The following LMNA variants were observed in gnomAD, a reference collection of about 807,000 sequenced individuals.
LMNA encodes lamin.
A neutral mutation model predicts 70.4 loss-of-function variants in LMNA; 20 were observed. That is an observed-to-expected ratio of 0.28 (90% CI 0.20 to 0.41). The LOEUF is 0.41. Among genes scored for constraint, LMNA ranks in the 10% least tolerant of loss-of-function variants. LMNA has a pLI of 1.00. For synonymous variants in LMNA, 339 were observed against 372.8 expected (o/e 0.91, Z 1.04); for missense variants, 652 against 917.2 (o/e 0.71, Z 3.73).
At chr1:156,095,155 C>T (rs1369780604) in intron 3 of LMNA, among the ~76,000 whole-genome samples, 1 of 152,070 alleles carries the variant, frequency 6.6e-6, no homozygotes, top group African/African-American at 2.4e-5. Flanking sequence ...TCTTGAACTC[C>T]TGACCTCAGG....
intron 2 of LMNA, among the ~76,000 whole-genome samples, chr1:156,085,844 C>G (rs1648453979): frequency 6.6e-6 from 1 of 152,134 alleles, no homozygotes; most frequent in Non-Finnish European, 1.5e-5. Context: ...TCACTTGAGG[C>G]CACGAGTTCC....
At chr1:156,086,097 A>C (rs1167466804) in intron 2 of LMNA, among the ~76,000 whole-genome samples, 1 of 152,220 alleles carries the variant, frequency 6.6e-6, no homozygotes, top group Non-Finnish European at 1.5e-5. Flanking sequence ...GTGCCTGGCT[A>C]TCTTAGGTGT....
chr1:156,134,265 A>C lies in LMNA; in HGVS notation c.514-138A>C. 1.2e-6 allele frequency: 1 copy of C among 862,262 alleles called. No individual in the cohort carries two copies. Among genetic ancestry groups the C allele is most frequent in the East Asian group, 2.7e-5 (1 of 37,556 alleles). The allele number at this position is 862,262 out of a possible 1,614,324, so 53.4% of individuals were successfully genotyped here. A position where few individuals can be genotyped will look rare whatever the true frequency, so the allele number is the denominator to read the frequency against. On this transcript the variant is annotated intron_variant, in intron 2 of 11. Coordinates refer to ENST00000368300, the MANE Select transcript of LMNA (RefSeq NM_170707.4). This position sits in a 1 kb window ranked among gnomAD's most constrained non-coding sequence, Gnocchi z 5.3. ...AGTGAGTAGATGTCCTGACCCCTGC[A>C]GGCATCCAAGGCCCTCCTTCCCTGG...
chr1:156,129,679 T>A, intron 1 of LMNA: 1 of 602,644 alleles, frequency 1.7e-6, no homozygotes, highest in South Asian at 2.0e-5. Context: ...GTTCTTGGGT[T>A]CTCTGGAGGT....
chr1:156,138,046 C>A lies in LMNA; in HGVS notation c.1698+303C>A. The stretch of plus-strand genomic sequence containing the variant: ...TCTGGGAAAGGGAGGGGAGGACAGA[C>A]GTGGGGCATGCCCGCCCTGCCTCTC... On this transcript the variant is annotated intron_variant, in intron 10 of 11. Transcript: ENST00000368300. This position sits in a 1 kb window ranked among gnomAD's most constrained non-coding sequence, Gnocchi z 5.5. The A allele has an allele frequency of 3.5e-6, 2 of 570,474 alleles. No homozygotes were observed. The highest frequency in any genetic ancestry group is 6.2e-6 in the Non-Finnish European group (2 of 323,710). 35.3% of individuals were successfully genotyped at this position (570,474 alleles called of 1,614,324 possible). A position where few individuals can be genotyped will look rare whatever the true frequency, so the allele number is the denominator to read the frequency against.
Position 156,138,994 on chromosome 1 carries a change from G to A in LMNA, c.1969-86G>A. The A allele has an allele frequency of 4.8e-6, 7 of 1,443,712 alleles. No individual in the cohort carries two copies. The highest frequency in any genetic ancestry group is 3.3e-5 in the Admixed American group (2 of 59,740). 89.4% of individuals were successfully genotyped at this position (1,443,712 alleles called of 1,614,324 possible). ...CTGGAGTGTGAGGGATGGGGGAGATGCTACCTCCCTTCTAGGGGCCAGGGG... is the reference window on the plus strand; with the variant it reads ...CTGGAGTGTGAGGGATGGGGGAGATACTACCTCCCTTCTAGGGGCCAGGGG... On this transcript the variant is annotated intron_variant, in intron 11 of 11. Coordinates refer to ENST00000368300, the MANE Select transcript of LMNA (RefSeq NM_170707.4). This position sits in a 1 kb window ranked among gnomAD's most constrained non-coding sequence, Gnocchi z 5.5.
At chr1:156,129,878 T>A in intron 1 of LMNA, 1 of 770,042 alleles carries the variant, frequency 1.3e-6, no homozygotes, top group South Asian at 1.4e-5. Context: ...GATCCACATC[T>A]GGAACCAGAT....
intron 1 of LMNA, among the ~76,000 whole-genome samples, chr1:156,127,447 T>G (rs1271997168): frequency 6.6e-6 from 1 of 150,672 alleles, no homozygotes; most frequent in Non-Finnish European, 1.5e-5. Flanking sequence ...AGTCCTTTAA[T>G]CTCCTCTCTT....
chr1:156,092,355 T>C (rs979192359), intron 3 of LMNA, among the ~76,000 whole-genome samples: 1 of 151,836 alleles, frequency 6.6e-6, no homozygotes, highest in Admixed American at 6.6e-5. Context: ...CCAGATTGGG[T>C]GACAGAGCGA....
At chr1:156,117,241 T>G (rs2102824356) in intron 1 of LMNA, among the ~76,000 whole-genome samples, 1 of 151,204 alleles carries the variant, frequency 6.6e-6, no homozygotes, top group South Asian at 2.1e-4. Context: ...TCAACCTTTA[T>G]TTTGTTTTTT....
chr1:156,087,067 C>T (rs1036073977), intron 2 of LMNA, among the ~76,000 whole-genome samples: 1 of 152,140 alleles, frequency 6.6e-6, no homozygotes, highest in Non-Finnish European at 1.5e-5. Flanking sequence ...TCTCAGAACC[C>T]TGAGGGAGGG....
Position 156,114,836 on chromosome 1 carries a change from C to G in LMNA, c.-83C>G, listed in dbSNP as rs1649685469. ...CCAGCCGGCCGGCGCACTCCGACTC[C>G]GAGCAGTCTCTGTCCTTCGACCCGA... On this transcript the variant is annotated 5_prime_UTR_variant, in exon 1 of 12. Transcript: ENST00000368300. 4 of 971,682 alleles carry G rather than the reference C, an allele frequency of 4.1e-6. No homozygotes were observed. Among genetic ancestry groups the G allele is most frequent in the East Asian group, 5.5e-5 (2 of 36,418 alleles). 60.2% of individuals were successfully genotyped at this position (971,682 alleles called of 1,614,324 possible).
Position 156,121,046 on chromosome 1 carries a change from C to CTT in LMNA, c.356+5796_356+5797dup, listed in dbSNP as rs57371677. ...CCAACCCTCCACCACCAAATCCATT[C>CTT]TTTTTTTTTTTTTTTTTTTTTTTTT... On this transcript the variant is annotated intron_variant, in intron 1 of 11. Coordinates refer to ENST00000368300, the MANE Select transcript of LMNA (RefSeq NM_170707.4). Among the ~76,000 whole-genome samples the CTT allele has an allele frequency of 2.0e-3, 198 of 100,390 alleles. 2 individuals are homozygous for CTT. The highest frequency in any genetic ancestry group is 6.8e-3 in the Middle Eastern group (1 of 146). 65.9% of individuals were successfully genotyped at this position (100,390 alleles called of 152,430 possible). A position where few individuals can be genotyped will look rare whatever the true frequency, so the allele number is the denominator to read the frequency against.
intron 3 of LMNA, among the ~76,000 whole-genome samples, chr1:156,095,264 A>G (rs1008612177): frequency 3.9e-5 from 6 of 152,060 alleles, no homozygotes; most frequent in Admixed American, 3.9e-4. Context: ...TTGTGTGTTC[A>G]TGTTACTCGG....
intron 2 of LMNA, among the ~76,000 whole-genome samples, chr1:156,089,220 G>A (rs944893930): frequency 5.3e-5 from 8 of 151,664 alleles, no homozygotes; most frequent in Non-Finnish European, 1.2e-4. Context: ...CAAGTGATCC[G>A]CCTACCTCAG....
intron 3 of LMNA, among the ~76,000 whole-genome samples, chr1:156,100,487 A>G (rs755555184): frequency 6.6e-6 from 1 of 152,054 alleles, no homozygotes; most frequent in African/African-American, 2.4e-5. Context: ...ACAGGTCCTG[A>G]CACATGGTGA....
Position 156,131,833 on chromosome 1 carries a change from G to T in LMNA, c.513+1060G>T, listed in dbSNP as rs112750111. On this transcript the variant is annotated intron_variant, in intron 2 of 11. Coordinates refer to ENST00000368300, the MANE Select transcript of LMNA (RefSeq NM_170707.4). ...AATAATGCTTTGTGTATATAGAGTG[G>T]CCTTTACTTTCAAAACACTCTTCTC... Among the ~76,000 whole-genome samples the T allele has an allele frequency of 7.3e-3, 1,107 of 152,296 alleles. 10 individuals carry two copies. The highest frequency in any genetic ancestry group is 0.026 in the African/African-American group (1,066 of 41,550).
chr1:156,134,313 G>T lies in LMNA; in HGVS notation c.514-90G>T. 2 of 1,434,738 alleles carry T rather than the reference G, an allele frequency of 1.4e-6. No individual in the cohort carries two copies. The allele number at this position is 1,434,738 out of a possible 1,614,324, so 88.9% of individuals were successfully genotyped here. A position where few individuals can be genotyped will look rare whatever the true frequency, so the allele number is the denominator to read the frequency against. The stretch of plus-strand genomic sequence containing the variant: ...TGGACCTGTTTCCACATGTGTGAAG[G>T]GGTGCACAGGCAGCAGCCCACCTCT... On this transcript the variant is annotated intron_variant, in intron 2 of 11. Transcript: ENST00000368300. This position sits in a 1 kb window ranked among gnomAD's most constrained non-coding sequence, Gnocchi z 5.3.
chr1:156,138,376 A>G lies in LMNA; in HGVS notation c.1699-112A>G. 1 of 1,290,584 alleles carries G rather than the reference A, an allele frequency of 7.7e-7. No homozygotes were observed. Among genetic ancestry groups the G allele is most frequent in the South Asian group, 1.4e-5 (1 of 74,036 alleles). 79.9% of individuals were successfully genotyped at this position (1,290,584 alleles called of 1,614,324 possible). On this transcript the variant is annotated intron_variant, in intron 10 of 11. Coordinates refer to ENST00000368300, the MANE Select transcript of LMNA (RefSeq NM_170707.4). This position sits in a 1 kb window ranked among gnomAD's most constrained non-coding sequence, Gnocchi z 5.5. The stretch of plus-strand genomic sequence containing the variant: ...TGCCCGCTGGCTCCTTGGGCACAGA[A>G]CCACACCTTCCTGCCTGGCGGCTGG...
Sources: gnomAD v4.1 joint callset for allele counts (sites outside exome capture counted in the v4.1 genomes callset) on GRCh38, gnomAD v4.1.1 for gene constraint, Gnocchi (gnomAD v3.1) non-coding constraint, MANE v1.5 for transcripts, NCBI Gene and HGNC (gene_info 2026-07-23, HGNC 2026-07-21) for gene names.